The following DNAH12 variants were observed in gnomAD, a reference collection of about 807,000 sequenced individuals.
The protein encoded by DNAH12 is axonemal beta dynein heavy chain 12.
DNAH12 carries 285 observed loss-of-function variants against 371.5 expected under a neutral mutation model. That is an observed-to-expected ratio of 0.77 (90% confidence interval 0.70 to 0.85). The LOEUF is 0.85. Among genes scored for constraint, DNAH12 ranks in the 40% least tolerant of loss-of-function variants. The pLI is 0.00. For missense variants in DNAH12, 3,611 were observed against 3,689.4 expected (o/e 0.98, Z 0.55); for synonymous variants, 1,200 against 1,213.0 (o/e 0.99, Z 0.22).
At position 57,501,321 on chromosome 3, in the gene DNAH12, C is replaced by A; in HGVS notation, c.1335G>T (p.Glu445Asp). Reference sequence around the variant, plus strand: ...TAATAAAAACAGAATTACCGCTTACCTCTGTATATTCATCAAAAGTATGAT... The same window carrying A: ...TAATAAAAACAGAATTACCGCTTACATCTGTATATTCATCAAAAGTATGAT... ...TEDHTFDEYTEFIEKFLSLAS... is the reference protein window; with the variant it reads ...TEDHTFDEYTDFIEKFLSLAS... The change falls in exon 11 of 74, where the codon GAG (glutamate) becomes GAT (aspartate). Residue 445 changes from glutamate to aspartate, a missense_variant and splice_region_variant. Glu to Asp is a conservative substitution (Grantham distance 45). Transcript: ENST00000495027. 1 of 1,600,484 alleles carries A rather than the reference C, an allele frequency of 6.2e-7. No homozygotes were observed. Among genetic ancestry groups the A allele is most frequent in the South Asian group, 1.1e-5 (1 of 87,860 alleles).
At chr3:57,443,157 TG>T (rs1240577716) in intron 29 of DNAH12, among the ~76,000 whole-genome samples, 2 of 152,238 alleles carry the variant, frequency 1.3e-5, no homozygotes, top group African/African-American at 4.8e-5. Context: ...TCGCACAGGC[TG>T]GAGTGCAATG....
chr3:57,509,371 G>C (rs727977), intron 5 of DNAH12, among the ~76,000 whole-genome samples, 159 bp from the exon 6 acceptor site: 38,808 of 152,024 alleles, frequency 0.26, 6,413 homozygotes, highest in African/African-American at 0.47. Context: ...GTTCTTGGTA[G>C]TATTTTGGCC....
chr3:57,351,422 A>G (rs1553660202), intron 60 of DNAH12, among the ~76,000 whole-genome samples: 1 of 152,232 alleles, frequency 6.6e-6, no homozygotes, highest in Non-Finnish European at 1.5e-5. Flanking sequence ...ACATCTTCCC[A>G]ACAGAAACGT....
intron 10 of DNAH12, among the ~76,000 whole-genome samples, chr3:57,502,050 G>T (rs1358679375): frequency 6.6e-6 from 1 of 152,138 alleles, no homozygotes; most frequent in East Asian, 1.9e-4. Context: ...GGGACTACAG[G>T]CGCCCGCCAC....
chr3:57,327,729 T>C (rs1261980370), intron 62 of DNAH12, among the ~76,000 whole-genome samples: 5 of 150,958 alleles, frequency 3.3e-5, no homozygotes, highest in African/African-American at 4.9e-5. Context: ...CTGAAGGAAA[T>C]AGAGACACAA....
intron 1 of DNAH12, 79 bp downstream of exon 1, chr3:57,544,118 G>A (rs1559769660): frequency 6.6e-6 from 1 of 152,250 alleles, no homozygotes; most frequent in African/African-American, 2.4e-5. Flanking sequence ...TTCCTGCCTT[G>A]AAAGAGTGTT....
intron 2 of DNAH12, among the ~76,000 whole-genome samples, chr3:57,542,086 T>C (rs1207401028): frequency 7.2e-6 from 1 of 139,100 alleles, no homozygotes; most frequent in Non-Finnish European, 1.5e-5. Context: ...AACTGTCTAA[T>C]TGAACTGAAC....
intron 62 of DNAH12, among the ~76,000 whole-genome samples, chr3:57,328,524 A>G (rs2062005866): frequency 6.6e-6 from 1 of 151,500 alleles, no homozygotes; most frequent in South Asian, 2.1e-4. Context: ...TTCATGCTAA[A>G]AACTCTCAAT....
chr3:57,379,650 G>A (rs2063346119), intron 51 of DNAH12, among the ~76,000 whole-genome samples: 1 of 151,840 alleles, frequency 6.6e-6, no homozygotes, highest in Admixed American at 6.6e-5. Flanking sequence ...AGGACAGCCT[G>A]GCCAATATGG....
At position 57,295,767 on chromosome 3, in the gene DNAH12, CAA is replaced by C. The variant is rs558288852; in HGVS notation, c.11625-177_11625-176del. On this transcript the variant is annotated intron_variant, in intron 72 of 73. Transcript: ENST00000495027. ...ATGAAGAATTGAGAGAAACAAAAGA[CAA>C]TGATGGAAAGGCAAAGGGTAAACAG... Among the ~76,000 whole-genome samples the C allele has an allele frequency of 2.0e-5, 3 of 152,146 alleles. No homozygotes were observed. The South Asian group carries it at 6.2e-4, about 32-fold the overall frequency.
At chr3:57,512,962 C>A (rs1355372544) in intron 4 of DNAH12, among the ~76,000 whole-genome samples, 1 of 151,892 alleles carries the variant, frequency 6.6e-6, no homozygotes, top group Non-Finnish European at 1.5e-5. Flanking sequence ...GATGGTGAAA[C>A]CCCGTCTCTA....
chr3:57,423,874 GA>G (rs1351036266), intron 35 of DNAH12, among the ~76,000 whole-genome samples: 12 of 151,926 alleles, frequency 7.9e-5, no homozygotes, highest in African/African-American at 2.4e-4. Context: ...GAGTAACTGG[GA>G]CTACAGGCGC....
At chr3:57,445,114 C>T in intron 28 of DNAH12, 60 bp downstream of exon 28, 1 of 1,460,552 alleles carries the variant, frequency 6.8e-7, no homozygotes, top group Non-Finnish European at 9.1e-7. Context: ...CCTGATTAAC[C>T]TCACTAAAGA....
At chr3:57,406,339 G>C (rs953843851) in intron 40 of DNAH12, among the ~76,000 whole-genome samples, 1 of 137,676 alleles carries the variant, frequency 7.3e-6, no homozygotes, top group Non-Finnish European at 1.5e-5. Flanking sequence ...CCTGGGCAAC[G>C]AAGTGAGATT....
intron 3 of DNAH12, 40 bp from the exon 4 acceptor site, chr3:57,523,649 C>A: frequency 1.4e-6 from 2 of 1,448,392 alleles, no homozygotes; most frequent in Non-Finnish European, 9.2e-7. Context: ...TCAAGGAGAA[C>A]ATTTTAAAAT....
At chr3:57,549,389 C>T in the DNAH12 span, among the ~76,000 whole-genome samples, 37,062 of 150,724 alleles carry the variant, frequency 0.25, 6,369 homozygotes, top group African/African-American at 0.48. Flanking sequence ...TGGTGGTGCG[C>T]GCCTGTAGTC....
At chr3:57,499,647 AAT>A (rs1176721728) in intron 11 of DNAH12, among the ~76,000 whole-genome samples, 192 of 17,952 alleles carry the variant, frequency 0.011, 11 homozygotes, top group African/African-American at 0.029. Flanking sequence ...AAAAAAAAAA[AAT>A]ATATATATAT....
At chr3:57,527,656 C>A (rs866390389) in intron 2 of DNAH12, among the ~76,000 whole-genome samples, 8 of 152,186 alleles carry the variant, frequency 5.3e-5, no homozygotes, top group Non-Finnish European at 8.8e-5. Context: ...CCCACATGAT[C>A]CAATCACCTC....
At chr3:57,551,566 G>A in the DNAH12 span, among the ~76,000 whole-genome samples, 1 of 152,056 alleles carries the variant, frequency 6.6e-6, no homozygotes, top group African/African-American at 2.4e-5. Context: ...CACCGCGCCC[G>A]GCCACAAAAT....
Sources: allele counts gnomAD v4.1 joint callset (sites outside exome capture counted in the v4.1 genomes callset), GRCh38; gene constraint gnomAD v4.1.1; transcripts MANE v1.5; gene names NCBI Gene and HGNC (gene_info 2026-07-23, HGNC 2026-07-21).